Variants in RARS2 observed in about 807,000 individuals in gnomAD.
RARS2 encodes probable arginine--tRNA ligase, mitochondrial.
Under a neutral mutation model 88.5 loss-of-function variants are expected in RARS2, and 67 were observed. The ratio of observed to expected loss-of-function variants is 0.76; its 90% CI spans 0.62 to 0.93. The LOEUF (loss-of-function observed/expected upper bound fraction) is 0.93. RARS2 is among the 40% of genes least tolerant of loss of function. RARS2 has a pLI of 0.00. For synonymous variants in RARS2, 239 were observed against 230.3 expected (o/e 1.04, Z -0.34); for missense variants, 664 against 684.2 (o/e 0.97, Z 0.33).
rs376238246 is a variant in RARS2, at chr6:87,589,961, C to T, written c.-4G>A. On this transcript the variant is annotated 5_prime_UTR_variant, in exon 1 of 20. Transcript: ENST00000369536. ...CGCGGCGAAAGCCGCACGCCATGTCCACCTCTACGGAAGTGCGCCGCAGTC... is the reference window on the plus strand; with the variant it reads ...CGCGGCGAAAGCCGCACGCCATGTCTACCTCTACGGAAGTGCGCCGCAGTC... 7 of 1,614,110 alleles carry T rather than the reference C, an allele frequency of 4.3e-6. No homozygotes were observed. The highest frequency in any genetic ancestry group is 4.0e-5 in the African/African-American group (3 of 74,950).
chr6:87,565,076 T>C (rs1019436672), intron 2 of RARS2, among the ~76,000 whole-genome samples: 1 of 152,132 alleles, frequency 6.6e-6, no homozygotes, highest in African/African-American at 2.4e-5. Flanking sequence ...CTTCCTCTTA[T>C]ACTAGCCACC....
At chr6:87,588,649 A>G (rs759891086) in intron 1 of RARS2, among the ~76,000 whole-genome samples, 2 of 152,240 alleles carry the variant, frequency 1.3e-5, no homozygotes, top group Non-Finnish European at 2.9e-5. Flanking sequence ...TGCTGGGATT[A>G]TAGGCATGAA....
At chr6:87,571,596 G>C (rs1218346987) in intron 1 of RARS2, among the ~76,000 whole-genome samples, 1 of 152,212 alleles carries the variant, frequency 6.6e-6, no homozygotes, top group Non-Finnish European at 1.5e-5. Flanking sequence ...GGGAAAAAGA[G>C]AAGGGAATGA....
At chr6:87,554,020 C>G (rs1260007247) in intron 5 of RARS2, among the ~76,000 whole-genome samples, 1 of 152,142 alleles carries the variant, frequency 6.6e-6, no homozygotes, top group Non-Finnish European at 1.5e-5. Context: ...CTAATCATAA[C>G]TAAGTTTAAA....
chr6:87,557,289 TAATAC>T (rs1458440583), intron 4 of RARS2, among the ~76,000 whole-genome samples: 1 of 152,164 alleles, frequency 6.6e-6, no homozygotes, highest in Non-Finnish European at 1.5e-5. Context: ...CATAAAGGAT[TAATAC>T]AATATATAGA....
intron 8 of RARS2, among the ~76,000 whole-genome samples, chr6:87,532,150 C>A (rs1235426235): frequency 6.6e-6 from 1 of 152,128 alleles, no homozygotes; most frequent in African/African-American, 2.4e-5. Flanking sequence ...CATAGATGAT[C>A]TATGTTAATT....
chr6:87,523,885 C>G (rs1292064888), intron 11 of RARS2, among the ~76,000 whole-genome samples: 1 of 152,104 alleles, frequency 6.6e-6, no homozygotes, highest in Non-Finnish European at 1.5e-5. Context: ...GATATATAAG[C>G]TCTTCTCACT....
At chr6:87,552,845 T>A (rs1784782485) in intron 5 of RARS2, among the ~76,000 whole-genome samples, 1 of 152,198 alleles carries the variant, frequency 6.6e-6, no homozygotes, top group Non-Finnish European at 1.5e-5. Flanking sequence ...AGGATGAATG[T>A]ACGGTAACAG....
Position 87,518,702 on chromosome 6 carries a change from C to T in RARS2, c.1343G>A (p.Ser448Asn). The T allele has an allele frequency of 6.2e-7, 1 of 1,614,118 alleles. No homozygotes were observed. The highest frequency in any genetic ancestry group is 8.5e-7 in the Non-Finnish European group (1 of 1,179,992). The change falls in exon 16 of 20, where the codon AGC (serine) becomes AAC (asparagine). Residue 448 changes from serine (S) to asparagine (N), a missense_variant. Ser to Asn is a conservative substitution (Grantham distance 46). Transcript: ENST00000369536. ...GCGACTCTGGAAAACACGATCCCAG[C>T]TGAACTTGTAGTCAGATAAGAGTAA... ...KGLLLSDYKFSWDRVFQSRGD... is the reference protein window; with the variant it reads ...KGLLLSDYKFNWDRVFQSRGD...
At chr6:87,527,911 G>A (rs556634434) in intron 10 of RARS2, among the ~76,000 whole-genome samples, 7 of 152,192 alleles carry the variant, frequency 4.6e-5, no homozygotes, top group East Asian at 1.9e-4. Context: ...GGGGCCTGTC[G>A]GGGGATGGGG....
In RARS2 at chr6:87,589,925, G is replaced by A. The variant is rs766850119; in HGVS notation, c.33C>T (p.Cys11=). The change falls in exon 1 of 20, where the codon TGC becomes TGT. Residue 11 remains cysteine (C), a synonymous_variant. Coordinates refer to ENST00000369536, the MANE Select transcript of RARS2 (RefSeq NM_020320.5). The part of the protein sequence containing the change: MACGFRRAIA[C]QLSRVLNLPP... ...CTGCGCGCTCCGGGATCCATACCTG[G>A]CAAGCAATAGCGCGGCGAAAGCCGC... is the stretch of plus-strand genomic sequence containing the variant. 1 of 1,613,888 alleles carries A rather than the reference G, an allele frequency of 6.2e-7. No homozygotes were observed. Among genetic ancestry groups the A allele is most frequent in the South Asian group, 1.1e-5 (1 of 91,084 alleles).
Position 87,515,035 on chromosome 6 carries a change from G to A in RARS2, c.1587-15C>T. The A allele has an allele frequency of 2.5e-6, 4 of 1,597,048 alleles. No homozygotes were observed. In the South Asian group the frequency reaches 4.4e-5, roughly 18 times the overall value. ...CTGCAAGATGACTGAAACAGGAAGAGAGAAATCACGATAGTACCAGCAGTA... is the reference window on the plus strand; with the variant it reads ...CTGCAAGATGACTGAAACAGGAAGAAAGAAATCACGATAGTACCAGCAGTA... On this transcript the variant is annotated splice_polypyrimidine_tract_variant and intron_variant, in intron 18 of 19. Transcript: ENST00000369536.
chr6:87,514,623 G>A, intron 19 of RARS2, 124 bp from the exon 20 acceptor site: 1 of 850,656 alleles, frequency 1.2e-6, no homozygotes, highest in Non-Finnish European at 2.0e-6. Flanking sequence ...AAGTGCCCTA[G>A]AGTTACTATA....
chr6:87,515,061 A>C (rs1771114217), intron 18 of RARS2, 41 bp from the exon 19 acceptor site: 2 of 1,489,874 alleles, frequency 1.3e-6, no homozygotes, highest in Admixed American at 3.3e-5. Flanking sequence ...ACCAGCAGTA[A>C]TTTCCTGTTG....
chr6:87,577,542 A>T (rs1354283725), intron 1 of RARS2, among the ~76,000 whole-genome samples: 1 of 152,086 alleles, frequency 6.6e-6, no homozygotes, highest in African/African-American at 2.4e-5. Context: ...CCTCCTTTTG[A>T]TATTTCTAGG....
intron 5 of RARS2, among the ~76,000 whole-genome samples, chr6:87,549,665 CA>C (rs1783763736): frequency 6.6e-6 from 1 of 152,098 alleles, no homozygotes; most frequent in Non-Finnish European, 1.5e-5. Context: ...CGTGTGTGCT[CA>C]AGAAGTTGTA....
At chr6:87,547,553 G>A (rs183694682) in intron 6 of RARS2, among the ~76,000 whole-genome samples, 32 of 152,122 alleles carry the variant, frequency 2.1e-4, no homozygotes, top group African/African-American at 7.5e-4. Flanking sequence ...TATGACATGT[G>A]TTAAATGAAA....
At chr6:87,586,713 C>A (rs917586593) in intron 1 of RARS2, among the ~76,000 whole-genome samples, 4 of 152,176 alleles carry the variant, frequency 2.6e-5, no homozygotes, top group Admixed American at 2.6e-4. Context: ...CACATTCCTT[C>A]ATTCCTAAAC....
intron 6 of RARS2, among the ~76,000 whole-genome samples, chr6:87,546,092 T>C (rs1782561182): frequency 6.6e-6 from 1 of 152,190 alleles, no homozygotes; most frequent in Admixed American, 6.5e-5. Flanking sequence ...TTTCCCTTTT[T>C]GTGTTTTCTA....
Sources: allele counts gnomAD v4.1 joint callset (sites outside exome capture counted in the v4.1 genomes callset), GRCh38; gene constraint gnomAD v4.1.1; transcripts MANE v1.5; gene names NCBI Gene and HGNC (gene_info 2026-07-23, HGNC 2026-07-21).